RGS22: variants seen among roughly 807,000 people sequenced by gnomAD.
RGS22 encodes regulator of G-protein signaling 22.
A neutral mutation model predicts 172.9 loss-of-function variants in RGS22; 148 were observed. The observed-to-expected ratio is 0.86, with a 90% CI of 0.75 to 0.98. RGS22 has a LOEUF of 0.98. Among genes scored for constraint, RGS22 ranks in the 50% least tolerant of loss-of-function variants. The pLI, the probability that RGS22 is intolerant of heterozygous loss-of-function variation, is 0.00. For synonymous variants in RGS22, 458 were observed against 480.2 expected, an observed-to-expected ratio of 0.95 and a Z score of 0.60; for missense variants, 1,347 against 1,440.8, an observed-to-expected ratio of 0.93 and a Z score of 1.05.
chr8:100,034,463 AGAG>A (rs1395098918), intron 14 of RGS22, among the ~76,000 whole-genome samples: 1 of 152,234 alleles, frequency 6.6e-6, no homozygotes, highest in Non-Finnish European at 1.5e-5. Flanking sequence ...ACGAAATAAA[AGAG>A]GACACAAACA....
intron 9 of RGS22, among the ~76,000 whole-genome samples, chr8:100,062,175 G>A (rs1399178001): frequency 6.6e-6 from 1 of 151,996 alleles, no homozygotes; most frequent in Non-Finnish European, 1.5e-5. Flanking sequence ...GGAAGGAGAG[G>A]ATCAGGAAAA....
chr8:99,969,644 A>G (rs1330541852), intron 23 of RGS22, among the ~76,000 whole-genome samples: 2 of 152,220 alleles, frequency 1.3e-5, no homozygotes, highest in Admixed American at 6.5e-5. Context: ...AGGGCATTAC[A>G]TAATGTTAAA....
chr8:100,028,952 T>C (rs1342205398), intron 14 of RGS22, among the ~76,000 whole-genome samples: 1 of 152,202 alleles, frequency 6.6e-6, no homozygotes, highest in Non-Finnish European at 1.5e-5. Flanking sequence ...TTACATAAGA[T>C]AGCAATGCCT....
chr8:100,091,856 A>G (rs1812607093), intron 3 of RGS22: 1 of 152,160 alleles, frequency 6.6e-6, no homozygotes, highest in Non-Finnish European at 1.5e-5. Flanking sequence ...ACAACTGGAC[A>G]ACAAAAGTTA....
chr8:100,093,254 C>A (rs925123991), intron 3 of RGS22, 193 bp downstream of exon 3: 12 of 476,588 alleles, frequency 2.5e-5, no homozygotes, highest in Non-Finnish European at 4.5e-5. Flanking sequence ...CAGATTTCTT[C>A]AATAAGAATA....
chr8:99,968,406 T>G (rs1810985071), intron 23 of RGS22, among the ~76,000 whole-genome samples: 1 of 152,088 alleles, frequency 6.6e-6, no homozygotes, highest in African/African-American at 2.4e-5. Flanking sequence ...AGAAATAGGC[T>G]TCAGAAGGTG....
intron 2 of RGS22, among the ~76,000 whole-genome samples, chr8:100,103,554 T>TA (rs1200253801): frequency 6.6e-6 from 1 of 151,984 alleles, no homozygotes; most frequent in African/African-American, 2.4e-5. Context: ...ATTCAGATGA[T>TA]AAAGAGTCCC....
intron 14 of RGS22, among the ~76,000 whole-genome samples, chr8:100,028,630 G>A (rs1324952568): frequency 6.6e-6 from 1 of 152,146 alleles, no homozygotes; most frequent in Non-Finnish European, 1.5e-5. Context: ...ATTACAAAAT[G>A]TGCCTACCAG....
At chr8:99,985,689 C>T (rs1813022125) in intron 21 of RGS22, among the ~76,000 whole-genome samples, 2 of 151,938 alleles carry the variant, frequency 1.3e-5, no homozygotes, top group Admixed American at 6.6e-5. Flanking sequence ...TAATAGCTAC[C>T]TAGTATTGTA....
intron 6 of RGS22, 89 bp from the exon 7 acceptor site, chr8:100,066,385 A>G (rs1243094339): frequency 1.9e-6 from 2 of 1,030,796 alleles, no homozygotes; most frequent in Non-Finnish European, 1.4e-6. Flanking sequence ...ATAATATTCA[A>G]CTTGCACAGT....
intron 23 of RGS22, among the ~76,000 whole-genome samples, chr8:99,976,728 G>C (rs1811999416): frequency 6.6e-6 from 1 of 152,120 alleles, no homozygotes; most frequent in Non-Finnish European, 1.5e-5. Flanking sequence ...TAGATATAGG[G>C]AGGGTTATAG....
chr8:100,105,338 C>A (rs897066421), intron 2 of RGS22, 36 bp downstream of exon 2: 3 of 1,553,790 alleles, frequency 1.9e-6, no homozygotes, highest in Non-Finnish European at 2.7e-6. Context: ...TTTTTAAAGG[C>A]CAAAGAAAAA....
intron 8 of RGS22, 122 bp downstream of exon 8, chr8:100,063,294 T>C: frequency 1.6e-6 from 1 of 626,086 alleles, no homozygotes; most frequent in Non-Finnish European, 2.6e-6. Context: ...CATTCATTCC[T>C]CCAAGAGTAA....
intron 14 of RGS22, among the ~76,000 whole-genome samples, chr8:100,031,383 C>T (rs3133693): frequency 0.019 from 2,909 of 152,204 alleles, 88 homozygotes; most frequent in East Asian, 0.11. Flanking sequence ...CACACTGCTG[C>T]AAGAATTTCT....
At position 100,093,361 on chromosome 8, in the gene RGS22, G is replaced by A. The variant is rs1201030930; in HGVS notation, c.117+86C>T. ...TATTTTTTTAAAAAGCATTATCCCTGATAAATTGGTTTCACAAGATAACCC... is the reference window on the plus strand; with the variant it reads ...TATTTTTTTAAAAAGCATTATCCCTAATAAATTGGTTTCACAAGATAACCC... On this transcript the variant is annotated intron_variant, in intron 3 of 27. Coordinates refer to ENST00000360863, the MANE Select transcript of RGS22 (RefSeq NM_015668.5). 6.8e-6 allele frequency: 5 copies of A among 734,134 alleles called. No homozygotes were observed. The East Asian group carries it at 1.4e-4, about 20-fold the overall frequency. 45.5% of individuals were successfully genotyped at this position (734,134 alleles called of 1,614,324 possible).
chr8:100,014,329 CCT>C (rs892922803), intron 14 of RGS22, among the ~76,000 whole-genome samples: 2 of 151,916 alleles, frequency 1.3e-5, no homozygotes, highest in Non-Finnish European at 2.9e-5. Context: ...AAATCTAGTG[CCT>C]CTCTCATTCT....
At position 100,063,492 on chromosome 8, in the gene RGS22, A is replaced by G; in HGVS notation, c.1276T>C (p.Leu426=). The change falls in exon 8 of 28, where the codon TTG becomes CTG. Residue 426 remains leucine (L), a synonymous_variant. Transcript: ENST00000360863. ...CATAGCCACCAATATCTCTCTCCCA[A>G]TGTACCTTTTATAAATTTCTTAAAT... The part of the protein sequence containing the change: ...ERFKKFIKGT[L]GERYWWLWMD... The G allele has an allele frequency of 6.2e-7, 1 of 1,613,504 alleles. No homozygotes were observed. The highest frequency in any genetic ancestry group is 8.5e-7 in the Non-Finnish European group (1 of 1,179,530).
At position 99,963,195 on chromosome 8, in the gene RGS22, C is replaced by A. The variant is rs77362023; in HGVS notation, c.3616-217G>T. Among the ~76,000 whole-genome samples the A allele has an allele frequency of 4.6e-3, 702 of 152,260 alleles. 18 individuals carry two copies. In the East Asian group the frequency reaches 0.069, roughly 15 times the overall value. On this transcript the variant is annotated intron_variant, in intron 24 of 27. Coordinates refer to ENST00000360863, the MANE Select transcript of RGS22 (RefSeq NM_015668.5). ...CTGGGTACCACAAATTATTATCAAC[C>A]TACCTTAGTCCATTTTCATAAAAAT... is the stretch of plus-strand genomic sequence containing the variant.
intron 4 of RGS22, among the ~76,000 whole-genome samples, chr8:100,079,912 T>G (rs936159601): frequency 1.3e-5 from 2 of 152,192 alleles, no homozygotes; most frequent in East Asian, 3.8e-4. Context: ...TATTCAAATA[T>G]TCAAGGTAAA....
Sources: allele counts gnomAD v4.1 joint callset (sites outside exome capture counted in the v4.1 genomes callset), GRCh38; gene constraint gnomAD v4.1.1; transcripts MANE v1.5; gene names NCBI Gene and HGNC (gene_info 2026-07-23, HGNC 2026-07-21).